Variants in SS18 observed in about 807,000 individuals in gnomAD.
The protein encoded by SS18 is protein SSXT.
In SS18, 28 loss-of-function variants were observed where a neutral mutation model predicts 72.5. The observed-to-expected ratio is 0.39, with a 90% confidence interval of 0.29 to 0.53. The LOEUF is 0.53. Ranked by LOEUF, SS18 falls within the 20% of genes least tolerant of loss-of-function variation. SS18 has a pLI of 0.76. For synonymous variants in SS18, 172 were observed against 164.2 expected (o/e 1.05, Z -0.37); for missense variants, 518 against 535.3 (o/e 0.97, Z 0.32).
chr18:26,063,123 G>A (rs1042881701), intron 3 of SS18, among the ~76,000 whole-genome samples: 3 of 152,108 alleles, frequency 2.0e-5, no homozygotes, highest in Non-Finnish European at 4.4e-5. Flanking sequence ...GGGCCATAAA[G>A]CAAGTCAATA....
At chr18:26,060,771 C>CA (rs60999827) in intron 3 of SS18, among the ~76,000 whole-genome samples, 561 of 39,458 alleles carry the variant, frequency 0.014, 97 homozygotes, top group Middle Eastern at 0.045. Flanking sequence ...CTAAAAATAC[C>CA]AAAAAAAAAA....
intron 10 of SS18, among the ~76,000 whole-genome samples, chr18:26,019,581 C>A (rs892637332): frequency 1.3e-5 from 2 of 151,878 alleles, no homozygotes; most frequent in Admixed American, 1.3e-4. Flanking sequence ...GAGGCCAAGG[C>A]GGGTGATTCA....
chr18:26,045,871 T>C (rs1057352427), intron 5 of SS18, among the ~76,000 whole-genome samples: 1 of 152,120 alleles, frequency 6.6e-6, no homozygotes, highest in Non-Finnish European at 1.5e-5. Context: ...TAATTCACTG[T>C]AATTTTAAAC....
chr18:26,082,245 A>G (rs890888524), intron 2 of SS18: 1 of 329,552 alleles, frequency 3.0e-6, no homozygotes, highest in Non-Finnish European at 4.3e-6. Flanking sequence ...CACCTCCCAC[A>G]GAGGCCACTA....
At chr18:26,048,597 G>A (rs2053870186) in intron 5 of SS18, among the ~76,000 whole-genome samples, 1 of 152,104 alleles carries the variant, frequency 6.6e-6, no homozygotes, top group Non-Finnish European at 1.5e-5. Context: ...TCTCAGCTGT[G>A]GCAATACATG....
At chr18:26,023,840 ATT>A (rs34038435) in intron 10 of SS18, among the ~76,000 whole-genome samples, 2 of 151,614 alleles carry the variant, frequency 1.3e-5, no homozygotes, top group African/African-American at 2.4e-5. Context: ...CAATTTAAAA[ATT>A]TTTTTTTCCT....
chr18:26,039,188 A>T, intron 6 of SS18, 101 bp downstream of exon 6: 2 of 912,290 alleles, frequency 2.2e-6, no homozygotes, highest in Non-Finnish European at 3.0e-6. Flanking sequence ...AAAAAAAAAA[A>T]AAAAAAAGAA....
chr18:26,037,059 G>A (rs926172928), intron 7 of SS18, among the ~76,000 whole-genome samples: 4 of 152,006 alleles, frequency 2.6e-5, no homozygotes, highest in African/African-American at 9.7e-5. Flanking sequence ...ATCCGGACAT[G>A]AGAGAAAAGA....
chr18:26,039,256 A>G, intron 6 of SS18, 33 bp downstream of exon 6: 1 of 1,569,116 alleles, frequency 6.4e-7, no homozygotes, highest in Non-Finnish European at 8.7e-7. Context: ...TTTCAATTAC[A>G]TTAAGTAGCA....
intron 10 of SS18, chr18:26,023,492 C>T (rs1372199351): frequency 5.1e-6 from 2 of 394,150 alleles, no homozygotes; most frequent in Non-Finnish European, 9.5e-6. Flanking sequence ...ATCTTAAAAA[C>T]AGAGAAAAAA....
At chr18:26,041,908 CCTT>C (rs1302622439) in intron 5 of SS18, among the ~76,000 whole-genome samples, 1 of 152,040 alleles carries the variant, frequency 6.6e-6, no homozygotes, top group Non-Finnish European at 1.5e-5. Flanking sequence ...CAATTACTAC[CCTT>C]CTTTTACTGT....
chr18:26,029,752 T>C (rs1468056192), intron 10 of SS18, among the ~76,000 whole-genome samples: 1 of 152,188 alleles, frequency 6.6e-6, no homozygotes, highest in East Asian at 1.9e-4. Flanking sequence ...ATGTTAGTAT[T>C]GGGTTTCAGA....
intron 9 of SS18, 56 bp downstream of exon 9, chr18:26,034,949 T>C: frequency 6.4e-7 from 1 of 1,569,260 alleles, no homozygotes; most frequent in Non-Finnish European, 8.6e-7. Flanking sequence ...ACTTCCATAT[T>C]TTAAAACAAT....
rs1028260284 is a variant in SS18, at chr18:26,061,884, T to C, written c.232-4142A>G. ...GGAAAAGTATATGTGGATAAATACA[T>C]ATTAACATTTAAAATAACAGTAATA... is the stretch of plus-strand genomic sequence containing the variant. On this transcript the variant is annotated intron_variant, in intron 3 of 10. Transcript: ENST00000415083. Among the ~76,000 whole-genome samples the C allele has an allele frequency of 5.3e-5, 8 of 152,276 alleles. 1 individual carries two copies. Among genetic ancestry groups the C allele is most frequent in the African/African-American group, 1.7e-4 (7 of 41,582 alleles).
chr18:26,035,130 A>G lies in SS18; in HGVS notation c.974-3T>C, dbSNP rs1306643616. On this transcript the variant is annotated splice_polypyrimidine_tract_variant and splice_region_variant and intron_variant, in intron 8 of 10. Transcript: ENST00000415083. This position sits in a 1 kb window ranked among gnomAD's most constrained non-coding sequence, Gnocchi z 4.4. ...CTGTTGGCCATACTGTGAATTTCCT[A>G]CAGGATAATTGGAGAAGAGGAAAAA... 1 of 1,612,410 alleles carries G rather than the reference A, an allele frequency of 6.2e-7. No homozygotes were observed. The highest frequency in any genetic ancestry group is 8.5e-7 in the Non-Finnish European group (1 of 1,179,176).
At chr18:26,047,797 C>A (rs1321457263) in intron 5 of SS18, among the ~76,000 whole-genome samples, 1 of 144,834 alleles carries the variant, frequency 6.9e-6, no homozygotes, top group Non-Finnish European at 1.5e-5. Flanking sequence ...GAACCGAGAT[C>A]ATGCCACTGC....
At chr18:26,090,416 C>T (rs940344858) in intron 1 of SS18, 85 bp downstream of exon 1, 4 of 1,388,280 alleles carry the variant, frequency 2.9e-6, no homozygotes, top group Non-Finnish European at 4.0e-6. Flanking sequence ...TCGGCCCGGT[C>T]GACTCCGGGC....
At chr18:26,036,046 T>A (rs2053621406) in intron 7 of SS18, 123 bp from the exon 8 acceptor site, 1 of 724,862 alleles carries the variant, frequency 1.4e-6, no homozygotes, top group Non-Finnish European at 2.3e-6. Flanking sequence ...TAAAAAATAA[T>A]TTCAATTGCA....
chr18:26,018,077 A>G lies in SS18; in HGVS notation c.*277T>C, dbSNP rs75560706. On this transcript the variant is annotated 3_prime_UTR_variant, in exon 11 of 11. Coordinates refer to ENST00000415083, the MANE Select transcript of SS18 (RefSeq NM_001007559.3). ...CAGTCTGTAACAGTCCATTTGAAAC[A>G]CAGTTCCAAAATCATTACAAATTGG... 3.8e-3 allele frequency: 1,265 copies of G among 336,912 alleles called. 17 individuals carry two copies. Among genetic ancestry groups the G allele is most frequent in the African/African-American group, 0.025 (1,171 of 47,546 alleles). The allele number at this position is 336,912 out of a possible 1,614,324, so 20.9% of individuals were successfully genotyped here. A position where few individuals can be genotyped will look rare whatever the true frequency, so the allele number is the denominator to read the frequency against.
Sources: allele counts gnomAD v4.1 joint callset (sites outside exome capture counted in the v4.1 genomes callset), GRCh38; gene constraint gnomAD v4.1.1; non-coding constraint Gnocchi (gnomAD v3.1); transcripts MANE v1.5; gene names NCBI Gene and HGNC (gene_info 2026-07-23, HGNC 2026-07-21).